ZNF385B: variants seen among roughly 807,000 people sequenced by gnomAD.
ZNF385B encodes the protein zinc finger protein 533.
ZNF385B carries 23 observed loss-of-function variants against 39.2 expected under a neutral mutation model. The ratio of observed to expected loss-of-function variants is 0.59; its 90% CI spans 0.42 to 0.83. ZNF385B has a LOEUF of 0.83. Among genes scored for constraint, ZNF385B ranks in the 40% least tolerant of loss-of-function variants. The pLI is 0.00. For missense variants in ZNF385B, 552 were observed against 598.9 expected (o/e 0.92, Z 0.82); for synonymous variants, 205 against 222.6 (o/e 0.92, Z 0.70).
intron 1 of ZNF385B, among the ~76,000 whole-genome samples, chr2:179,783,361 G>T (rs112193589): frequency 0.14 from 20,669 of 151,910 alleles, 1,868 homozygotes; most frequent in East Asian, 0.49. Flanking sequence ...AAATGTAAAA[G>T]CAAAGACTAT....
intron 3 of ZNF385B, among the ~76,000 whole-genome samples, chr2:179,768,459 GTAGT>G (rs1316011634): frequency 2.0e-5 from 3 of 152,114 alleles, no homozygotes; most frequent in African/African-American, 7.2e-5. Context: ...TGAGTAAAAA[GTAGT>G]TAGATTTGGC....
chr2:179,538,640 A>C (rs188604028), intron 4 of ZNF385B, among the ~76,000 whole-genome samples: 34 of 152,340 alleles, frequency 2.2e-4, no homozygotes, highest in Non-Finnish European at 4.6e-4. Context: ...GATTCACAGA[A>C]TCATACAGTG....
chr2:179,563,214 C>G (rs914516217), intron 3 of ZNF385B, among the ~76,000 whole-genome samples: 1 of 152,080 alleles, frequency 6.6e-6, no homozygotes, highest in Admixed American at 6.6e-5. Flanking sequence ...GCTCTCATAT[C>G]TAATTAATTT....
chr2:179,842,993 G>A (rs974125431), intron 1 of ZNF385B, among the ~76,000 whole-genome samples: 2 of 152,086 alleles, frequency 1.3e-5, no homozygotes, highest in African/African-American at 4.8e-5. Context: ...GCTTCCCTAG[G>A]TGTCACCGCC....
chr2:179,601,735 A>T (rs1332042459), intron 3 of ZNF385B, among the ~76,000 whole-genome samples: 1 of 152,228 alleles, frequency 6.6e-6, no homozygotes, highest in Non-Finnish European at 1.5e-5. Flanking sequence ...CATTACAAAT[A>T]TTCTTTGAGG....
chr2:179,480,792 T>C (rs1056743575), intron 6 of ZNF385B: 2 of 152,066 alleles, frequency 1.3e-5, no homozygotes, highest in African/African-American at 2.4e-5. Flanking sequence ...TTAATACTTA[T>C]ACCAAACACA....
chr2:179,625,209 T>C (rs556404897), intron 3 of ZNF385B, among the ~76,000 whole-genome samples: 20 of 152,254 alleles, frequency 1.3e-4, no homozygotes, highest in Admixed American at 1.2e-3. Flanking sequence ...ATCTTTGTTT[T>C]CCCTGAGAGT....
intron 3 of ZNF385B, among the ~76,000 whole-genome samples, chr2:179,639,249 A>AAAAAAAAAG (rs71029824): frequency 3.7e-4 from 47 of 128,680 alleles, no homozygotes; most frequent in African/African-American, 1.3e-3. Context: ...AAAAAAAAAA[A>AAAAAAAAAG]GGGGGAGAAA....
intron 1 of ZNF385B, among the ~76,000 whole-genome samples, chr2:179,856,034 C>T (rs1684569886): frequency 6.6e-6 from 1 of 152,092 alleles, no homozygotes; most frequent in Admixed American, 6.6e-5. Context: ...TCCATCCAGG[C>T]TGGAAAGGGG....
chr2:179,589,180 T>G (rs926389125), intron 3 of ZNF385B, among the ~76,000 whole-genome samples: 1 of 152,222 alleles, frequency 6.6e-6, no homozygotes, highest in African/African-American at 2.4e-5. Flanking sequence ...TGAATTTTCT[T>G]GTTACTTGTC....
At chr2:179,769,861 T>C (rs573087859) in intron 2 of ZNF385B, 59 bp from the exon 3 acceptor site, 1 of 1,455,202 alleles carries the variant, frequency 6.9e-7, no homozygotes, top group Non-Finnish European at 9.3e-7. Context: ...TTTTCTAGTA[T>C]GATTACAATT....
At chr2:179,653,179 T>A (rs1034806482) in intron 3 of ZNF385B, among the ~76,000 whole-genome samples, 1 of 152,196 alleles carries the variant, frequency 6.6e-6, no homozygotes, top group Admixed American at 6.5e-5. Context: ...TGCCAGCTGA[T>A]TGATGTCATA....
chr2:179,535,910 C>T (rs1358415066), intron 4 of ZNF385B, among the ~76,000 whole-genome samples: 1 of 152,136 alleles, frequency 6.6e-6, no homozygotes, highest in Non-Finnish European at 1.5e-5. Flanking sequence ...GGATGTGAGA[C>T]TTAATTCTAA....
At chr2:179,723,389 G>C (rs1033065392) in intron 3 of ZNF385B, among the ~76,000 whole-genome samples, 1 of 151,994 alleles carries the variant, frequency 6.6e-6, no homozygotes, top group Non-Finnish European at 1.5e-5. Flanking sequence ...AATTAAGAAA[G>C]GTAATAACCA....
chr2:179,694,956 AGAGGAGGAG>A (rs71994313), intron 3 of ZNF385B, among the ~76,000 whole-genome samples: 68 of 148,698 alleles, frequency 4.6e-4, no homozygotes, highest in South Asian at 2.6e-3. Context: ...AAAAGAAAGA[AGAGGAGGAG>A]GAGGAGGAGG....
chr2:179,562,430 G>A (rs561653048), intron 3 of ZNF385B: 16 of 985,376 alleles, frequency 1.6e-5, no homozygotes, highest in African/African-American at 1.6e-4. Context: ...CCACGTTCAC[G>A]TCTGCATTTG....
intron 3 of ZNF385B, among the ~76,000 whole-genome samples, chr2:179,605,934 T>C (rs1688764522): frequency 6.6e-6 from 1 of 152,122 alleles, no homozygotes; most frequent in Non-Finnish European, 1.5e-5. Flanking sequence ...AAGGTGAACA[T>C]TAATATCTAG....
chr2:179,806,443 C>G (rs1389791340), intron 1 of ZNF385B, among the ~76,000 whole-genome samples: 1 of 152,146 alleles, frequency 6.6e-6, no homozygotes, highest in Admixed American at 6.5e-5. Flanking sequence ...GCATGGAGGT[C>G]ATGAAGGGAA....
At chr2:179,516,983 C>A (rs1336045957) in intron 5 of ZNF385B, among the ~76,000 whole-genome samples, 2 of 151,756 alleles carry the variant, frequency 1.3e-5, no homozygotes, top group African/African-American at 4.8e-5. Context: ...TCTTCTAGCA[C>A]TGTTTGTTGA....
Sources: gnomAD v4.1 joint callset for allele counts (sites outside exome capture counted in the v4.1 genomes callset) on GRCh38, gnomAD v4.1.1 for gene constraint, MANE v1.5 for transcripts, NCBI Gene and HGNC (gene_info 2026-07-23, HGNC 2026-07-21) for gene names.